EFTUD2: variants seen among roughly 807,000 people sequenced by gnomAD.
The protein encoded by EFTUD2 is elongation factor Tu GTP binding domain containing 2, also known as 116 kDa U5 small nuclear ribonucleoprotein component.
In EFTUD2, 9 loss-of-function variants were observed where a neutral mutation model predicts 114.3. That is an observed-to-expected ratio of 0.08 (90% CI 0.05 to 0.14). The LOEUF is 0.14. Ranked by LOEUF, EFTUD2 falls within the 10% of genes least tolerant of loss-of-function variation. The pLI is 1.00. For missense variants in EFTUD2, 765 were observed against 1,241.2 expected, an observed-to-expected ratio of 0.62 and a Z score of 5.76; for synonymous variants, 449 against 462.3, an observed-to-expected ratio of 0.97 and a Z score of 0.37.
chr17:44,894,547 G>T, intron 1 of EFTUD2, 22 bp from the exon 2 acceptor site: 1 of 1,579,402 alleles, frequency 6.3e-7, no homozygotes, highest in Non-Finnish European at 8.7e-7. Context: ...GGAGAGAAGA[G>T]TTAGATTCTG....
At chr17:44,885,196 T>C (rs2051144939) in intron 4 of EFTUD2, 60 bp downstream of exon 4, 8 of 1,412,298 alleles carry the variant, frequency 5.7e-6, no homozygotes, top group Non-Finnish European at 8.0e-6. Context: ...ACCTCTTATC[T>C]CTACAAAAAC....
chr17:44,881,214 G>A (rs747193019), intron 7 of EFTUD2, among the ~76,000 whole-genome samples: 1 of 152,072 alleles, frequency 6.6e-6, no homozygotes, highest in African/African-American at 2.4e-5. Context: ...AAACAGAAGG[G>A]GTCAGAGATT....
chr17:44,859,734 ACAC>A (rs1180192333), intron 18 of EFTUD2, 168 bp downstream of exon 18: 1 of 1,037,314 alleles, frequency 9.6e-7, no homozygotes, highest in African/African-American at 1.6e-5. Context: ...ATACACACAC[ACAC>A]GTGTCTTGTC....
In EFTUD2 at chr17:44,854,084, A is replaced by G. The variant is rs1453174278; in HGVS notation, c.2347+185T>C. On this transcript the variant is annotated intron_variant, in intron 23 of 27. Transcript: ENST00000426333. The surrounding 1 kb of genome is among the most constrained non-coding windows in gnomAD (Gnocchi z 4.3). ...CAGTTTAGAAATGACTTAAATTTCCATTTCCAGGCTACACCACCAGGATAA... is the reference window on the plus strand; with the variant it reads ...CAGTTTAGAAATGACTTAAATTTCCGTTTCCAGGCTACACCACCAGGATAA... 12 of 1,420,128 alleles carry G rather than the reference A, an allele frequency of 8.4e-6. No homozygotes were observed. The highest frequency in any genetic ancestry group is 1.1e-5 in the Non-Finnish European group (12 of 1,091,100). The allele number at this position is 1,420,128 out of a possible 1,614,324, so 88.0% of individuals were successfully genotyped here. A position where few individuals can be genotyped will look rare whatever the true frequency, so the allele number is the denominator to read the frequency against.
chr17:44,862,966 C>A lies in EFTUD2; in HGVS notation c.1414-60G>T, dbSNP rs1002940634. Reference sequence around the variant, plus strand: ...TCTATGCTCCGGGGAAGTACTACTCCCCGCCATCTTCCTTGACAGCAAGGA... The same window carrying A: ...TCTATGCTCCGGGGAAGTACTACTCACCGCCATCTTCCTTGACAGCAAGGA... On this transcript the variant is annotated intron_variant, in intron 15 of 27. Coordinates refer to ENST00000426333, the MANE Select transcript of EFTUD2 (RefSeq NM_004247.4). 6.3e-6 allele frequency: 9 copies of A among 1,430,564 alleles called. No homozygotes were observed. The Admixed American group carries it at 1.6e-4, about 26-fold the overall frequency. 88.6% of individuals were successfully genotyped at this position (1,430,564 alleles called of 1,614,324 possible). A position where few individuals can be genotyped will look rare whatever the true frequency, so the allele number is the denominator to read the frequency against.
chr17:44,883,015 G>A (rs933581429), intron 6 of EFTUD2, 78 bp downstream of exon 6: 1 of 1,407,056 alleles, frequency 7.1e-7, no homozygotes, highest in Admixed American at 1.8e-5. Context: ...GAACAGGAAG[G>A]GTGAAGGAAG....
chr17:44,883,201 A>G, intron 5 of EFTUD2, 43 bp from the exon 6 acceptor site: 1 of 1,592,958 alleles, frequency 6.3e-7, no homozygotes, highest in African/African-American at 1.3e-5. Context: ...CCACAGAGGA[A>G]AATTTACTGT....
At chr17:44,889,272 A>T (rs1157682562) in intron 2 of EFTUD2, among the ~76,000 whole-genome samples, 1 of 152,200 alleles carries the variant, frequency 6.6e-6, no homozygotes. Flanking sequence ...TGCGAGAGGC[A>T]AAAGGATGGA....
chr17:44,863,836 C>G, intron 14 of EFTUD2, 54 bp from the exon 15 acceptor site: 1 of 1,600,602 alleles, frequency 6.2e-7, no homozygotes, highest in Non-Finnish European at 8.5e-7. Context: ...GGAGCACGAG[C>G]AGGAGTTACT....
rs1348419603 is a variant in EFTUD2 at position 44,854,646 on chromosome 17, A to G, written c.2169T>C (p.Asp723=). ...KLGEFFQTKY[D]WDLLAARSIW... The stretch of plus-strand genomic sequence containing the variant: ...TGGAACGGGCAGCCAGCAGATCCCA[A>G]TCGTACTTGGTCTGGAAGAACTCTC... The change falls in exon 22 of 28, where the codon GAT becomes GAC. Residue 723 remains aspartate (D), a synonymous_variant. Coordinates refer to ENST00000426333, the MANE Select transcript of EFTUD2 (RefSeq NM_004247.4). This position sits in a 1 kb window ranked among gnomAD's most constrained non-coding sequence, Gnocchi z 4.3. The G allele has an allele frequency of 6.2e-7, 1 of 1,614,042 alleles. No individual in the cohort carries two copies. The highest frequency in any genetic ancestry group is 8.5e-7 in the Non-Finnish European group (1 of 1,179,982).
rs546467739 is a variant in EFTUD2, at chr17:44,888,510, CAAG to C, written c.106-1763_106-1761del. 1.4e-4 allele frequency among the ~76,000 whole-genome samples: 22 copies of C among 152,240 alleles called. No individual in the cohort carries two copies. In the South Asian group the frequency reaches 4.4e-3, roughly 30 times the overall value. ...CCCTATGCTGAGAATACACTAGAAG[CAAG>C]AAGATTAGTTAGGGGGCTACTGCAG... On this transcript the variant is annotated intron_variant, in intron 2 of 27. Coordinates refer to ENST00000426333, the MANE Select transcript of EFTUD2 (RefSeq NM_004247.4).
At chr17:44,879,707 C>T (rs2051034812) in intron 8 of EFTUD2, 69 bp from the exon 9 acceptor site, 1 of 1,493,266 alleles carries the variant, frequency 6.7e-7, no homozygotes, top group Non-Finnish European at 9.2e-7. Flanking sequence ...GTAGGGTGAA[C>T]TGAGGGGGCA....
At position 44,851,517 on chromosome 17, in the gene EFTUD2, C is replaced by T. The variant is rs1017014395; in HGVS notation, c.2824-148G>A. 9 of 880,214 alleles carry T rather than the reference C, an allele frequency of 1.0e-5. No homozygotes were observed. In the African/African-American group the frequency reaches 1.2e-4, roughly 11 times the overall value. 54.5% of individuals were successfully genotyped at this position (880,214 alleles called of 1,614,324 possible). A position where few individuals can be genotyped will look rare whatever the true frequency, so the allele number is the denominator to read the frequency against. ...AGGAGCCCTGCCTTTAGGGTACTATCACATGGGAGGATAAGGCTCTCCTTT... is the reference window on the plus strand; with the variant it reads ...AGGAGCCCTGCCTTTAGGGTACTATTACATGGGAGGATAAGGCTCTCCTTT... On this transcript the variant is annotated intron_variant, in intron 27 of 27. Transcript: ENST00000426333.
intron 14 of EFTUD2, 182 bp from the exon 15 acceptor site, chr17:44,863,964 G>T: frequency 2.8e-6 from 2 of 713,642 alleles, no homozygotes; most frequent in South Asian, 2.1e-5. Flanking sequence ...AGAAGATTTG[G>T]AGTCACCCTG....
chr17:44,870,721 T>G (rs1004174947), intron 11 of EFTUD2, among the ~76,000 whole-genome samples: 1 of 152,156 alleles, frequency 6.6e-6, no homozygotes, highest in Non-Finnish European at 1.5e-5. Context: ...TACTTTATTA[T>G]GAGAACATAG....
chr17:44,860,583 G>A (rs571286091), intron 16 of EFTUD2, 40 bp from the exon 17 acceptor site: 8 of 1,124,158 alleles, frequency 7.1e-6, no homozygotes, highest in African/African-American at 4.7e-5. Context: ...AACTTAGGCA[G>A]AGCATTCCCT....
At chr17:44,875,743 T>C (rs2050936027) in intron 10 of EFTUD2, 191 bp downstream of exon 10, 2 of 615,498 alleles carry the variant, frequency 3.2e-6, no homozygotes, top group Non-Finnish European at 5.7e-6. Context: ...CAAGTACTGA[T>C]CATAATAGTA....
intron 20 of EFTUD2, among the ~76,000 whole-genome samples, chr17:44,855,973 A>C (rs1597790905): frequency 6.8e-6 from 1 of 147,776 alleles, no homozygotes; most frequent in Non-Finnish European, 1.5e-5. Context: ...AAAAAAAAAG[A>C]AAAACAAACC....
At chr17:44,852,296 C>A in intron 26 of EFTUD2, 113 bp downstream of exon 26, 2 of 1,357,198 alleles carry the variant, frequency 1.5e-6, no homozygotes, top group East Asian at 2.4e-5. Flanking sequence ...GAGGAGGACT[C>A]TTCTCCAGGA....
Sources: gnomAD v4.1 joint callset for allele counts (sites outside exome capture counted in the v4.1 genomes callset) on GRCh38, gnomAD v4.1.1 for gene constraint, Gnocchi (gnomAD v3.1) non-coding constraint, MANE v1.5 for transcripts, NCBI Gene and HGNC (gene_info 2026-07-23, HGNC 2026-07-21) for gene names.